Variants in OR56B2 observed in about 807,000 individuals in gnomAD.
The protein encoded by OR56B2 is olfactory receptor family 56 subfamily B member 2, also known as olfactory receptor 56B2.
chr11:5,762,016 G>C, the OR56B2 span, among the ~76,000 whole-genome samples: 1 of 152,096 alleles, frequency 6.6e-6, no homozygotes, highest in South Asian at 2.1e-4. Context: ...TGGAAAGACA[G>C]AGTCTCACAT....
chr11:5,762,812 G>T, the OR56B2 span, among the ~76,000 whole-genome samples: 1 of 151,904 alleles, frequency 6.6e-6, no homozygotes, highest in Admixed American at 6.6e-5. Flanking sequence ...TTTATTTAAA[G>T]AAATATATTT....
chr11:5,768,397 TATTTC>T, the OR56B2 span, among the ~76,000 whole-genome samples: 1 of 140,280 alleles, frequency 7.1e-6, no homozygotes, highest in Non-Finnish European at 1.6e-5. Context: ...CAAAAAACAT[TATTTC>T]ATTTGTTTTC....
the OR56B2 span, among the ~76,000 whole-genome samples, chr11:5,761,668 C>G: frequency 2.0e-5 from 3 of 152,064 alleles, no homozygotes; most frequent in Non-Finnish European, 4.4e-5. Context: ...CATATTCCTG[C>G]ACATGTCTTT....
At chr11:5,765,265 T>C in the OR56B2 span, 1 of 152,204 alleles carries the variant, frequency 6.6e-6, no homozygotes, top group Non-Finnish European at 1.5e-5. Context: ...CTGATCATCA[T>C]CAACAAAGAG....
the OR56B2 span, among the ~76,000 whole-genome samples, chr11:5,763,099 C>A: frequency 6.6e-6 from 1 of 151,910 alleles, no homozygotes. Flanking sequence ...AAAAATGTAA[C>A]CTGAGTCTCT....
the OR56B2 span, among the ~76,000 whole-genome samples, chr11:5,764,698 C>CT: frequency 7.1e-6 from 1 of 140,072 alleles, no homozygotes; most frequent in Non-Finnish European, 1.6e-5. Context: ...AACCACTACT[C>CT]TGAGTTTATA....
At chr11:5,761,831 T>C in the OR56B2 span, among the ~76,000 whole-genome samples, 507 of 152,262 alleles carry the variant, frequency 3.3e-3, 3 homozygotes, top group African/African-American at 0.011. Context: ...CTCCAGAATC[T>C]AGAAATGAAT....
chr11:5,768,162 A>T, the OR56B2 span, among the ~76,000 whole-genome samples: 1 of 138,392 alleles, frequency 7.2e-6, no homozygotes, highest in Non-Finnish European at 1.6e-5. Context: ...CATAGTGGGT[A>T]CCACCAGCAT....
At chr11:5,767,369 G>C in the OR56B2 span, 7 of 138,934 alleles carry the variant, frequency 5.0e-5, 2 homozygotes, top group Admixed American at 4.5e-4. Flanking sequence ...CACTACAGTG[G>C]GGATCAAATT....
the OR56B2 span, among the ~76,000 whole-genome samples, chr11:5,762,585 T>G: frequency 6.6e-6 from 1 of 152,192 alleles, no homozygotes; most frequent in Admixed American, 6.5e-5. Flanking sequence ...TTATATAGAA[T>G]GAATAAAACC....
At chr11:5,764,521 A>G in the OR56B2 span, among the ~76,000 whole-genome samples, 2 of 141,234 alleles carry the variant, frequency 1.4e-5, 1 homozygote, top group Non-Finnish European at 3.1e-5. Context: ...TTACACATCA[A>G]TTACATGACT....
At chr11:5,767,022 C>T in the OR56B2 span, 1 of 139,682 alleles carries the variant, frequency 7.2e-6, no homozygotes, top group African/African-American at 2.6e-5. Flanking sequence ...AACAGAATAC[C>T]TAATACTGAG....
the OR56B2 span, chr11:5,764,967 C>T: frequency 7.1e-6 from 1 of 140,110 alleles, no homozygotes; most frequent in Non-Finnish European, 1.6e-5. Context: ...AATACATGTC[C>T]AATAGATGTA....
At chr11:5,768,514 T>C in the OR56B2 span, among the ~76,000 whole-genome samples, 6 of 139,794 alleles carry the variant, frequency 4.3e-5, 1 homozygote, top group Admixed American at 2.2e-4. Flanking sequence ...GTGATAAACA[T>C]ACTAGTGCCA....
At chr11:5,763,474 C>T in the OR56B2 span, among the ~76,000 whole-genome samples, 3 of 138,876 alleles carry the variant, frequency 2.2e-5, no homozygotes, top group Admixed American at 7.4e-5. Context: ...CCACCATGCC[C>T]GGCTAATTTT....
At chr11:5,768,611 C>CTA in the OR56B2 span, among the ~76,000 whole-genome samples, 7 of 139,256 alleles carry the variant, frequency 5.0e-5, 2 homozygotes, top group Non-Finnish European at 7.9e-5. Flanking sequence ...AATGGTAGTT[C>CTA]TAGTTTTAGT....
chr11:5,768,424 G>T, the OR56B2 span, among the ~76,000 whole-genome samples: 2 of 139,872 alleles, frequency 1.4e-5, 1 homozygote, highest in African/African-American at 5.2e-5. Flanking sequence ...TGACTGAGGA[G>T]TATTCCATTG....
At chr11:5,761,247 C>CATAG in the OR56B2 span, 1 of 152,178 alleles carries the variant, frequency 6.6e-6, no homozygotes, top group Non-Finnish European at 1.5e-5. Flanking sequence ...ACAGTAAGTA[C>CATAG]ATAGCTGGGG....
chr11:5,763,343 C>CACATAGGTGAGG, the OR56B2 span, among the ~76,000 whole-genome samples: 11 of 142,388 alleles, frequency 7.7e-5, no homozygotes, highest in Non-Finnish European at 1.1e-4. Context: ...GACGGAGTTT[C>CACATAGGTGAGG]ACTCTTGTTG....
Sources: allele counts gnomAD v4.1 joint callset (sites outside exome capture counted in the v4.1 genomes callset), GRCh38; gene constraint gnomAD v4.1.1; transcripts MANE v1.5; gene names NCBI Gene and HGNC (gene_info 2026-07-23, HGNC 2026-07-21).